TMEM63C: variants seen among roughly 807,000 people sequenced by gnomAD.
The protein encoded by TMEM63C is transmembrane protein 63C, also known as osmosensitive cation channel TMEM63C.
Under a neutral mutation model 99.2 loss-of-function variants are expected in TMEM63C, and 32 were observed. The ratio of observed to expected loss-of-function variants is 0.32; its 90% CI spans 0.24 to 0.43. The LOEUF is 0.43. Ranked by LOEUF, TMEM63C falls within the 20% of genes least tolerant of loss-of-function variation. The probability of loss-of-function intolerance (pLI) is 1.00; values close to 1 mark genes in which losing one functional copy is unlikely to be tolerated. For synonymous variants in TMEM63C, 376 were observed against 397.9 expected (o/e 0.94, Z 0.66); for missense variants, 826 against 1,053.0 (o/e 0.78, Z 2.98).
intron 2 of TMEM63C, among the ~76,000 whole-genome samples, chr14:77,215,422 G>T (rs551353770): frequency 1.4e-4 from 21 of 151,914 alleles, no homozygotes; most frequent in South Asian, 2.1e-4. Flanking sequence ...CCAACATGGT[G>T]AAACCCCATT....
intron 3 of TMEM63C, 84 bp from the exon 4 acceptor site, chr14:77,219,414 C>A: frequency 7.1e-7 from 1 of 1,406,780 alleles, no homozygotes; most frequent in Non-Finnish European, 1.0e-6. Flanking sequence ...GGGACAGGGT[C>A]TCCCCCAAGG....
chr14:77,201,655 G>T (rs1477960099), intron 1 of TMEM63C, among the ~76,000 whole-genome samples: 1 of 152,218 alleles, frequency 6.6e-6, no homozygotes, highest in Non-Finnish European at 1.5e-5. Context: ...AGGGCCCAGC[G>T]ATCTGTGATG....
chr14:77,246,774 G>A, intron 18 of TMEM63C, 100 bp downstream of exon 18: 2 of 996,296 alleles, frequency 2.0e-6, no homozygotes, highest in South Asian at 3.1e-5. Flanking sequence ...GCTCACAGAA[G>A]TGTAGACAAA....
At chr14:77,218,206 C>T (rs993775190) in intron 2 of TMEM63C, among the ~76,000 whole-genome samples, 3 of 146,832 alleles carry the variant, frequency 2.0e-5, no homozygotes, top group Non-Finnish European at 4.5e-5. Flanking sequence ...TAAATATATA[C>T]ACCTACTATG....
At position 77,219,500 on chromosome 14, in the gene TMEM63C, C is replaced by A; in HGVS notation, c.153C>A (p.Leu51=). Residue 51 remains leucine (L), a splice_region_variant and synonymous_variant, in exon 4 of 24, where the codon CTC becomes CTA. Coordinates refer to ENST00000298351, the MANE Select transcript of TMEM63C (RefSeq NM_020431.4). The part of the protein sequence containing the change: ...VLCLNIALWV[L]VLVVYSFLRK... Reference sequence around the variant, plus strand: ...ACATTGCTTTTCCTGGCCTGTAGCTCGTCCTTGTGGTTTACTCCTTCCTCC... The same window carrying A: ...ACATTGCTTTTCCTGGCCTGTAGCTAGTCCTTGTGGTTTACTCCTTCCTCC... 1 of 1,613,908 alleles carries A rather than the reference C, an allele frequency of 6.2e-7. No homozygotes were observed.
chr14:77,218,386 C>T (rs945175972), intron 2 of TMEM63C, among the ~76,000 whole-genome samples: 8 of 152,160 alleles, frequency 5.3e-5, no homozygotes, highest in African/African-American at 9.7e-5. Context: ...ATGGGCGTTC[C>T]GTGAACACAG....
In TMEM63C at chr14:77,218,914, C is replaced by A; in HGVS notation, c.101C>A (p.Pro34His). 2 of 1,610,836 alleles carry A rather than the reference C, an allele frequency of 1.2e-6. No homozygotes were observed. Among genetic ancestry groups the A allele is most frequent in the Non-Finnish European group, 1.7e-6 (2 of 1,178,566 alleles). ...CGGAACACCGTCCTCCAGGGGCAGC[C>A]CTTTGGGGGTGTCCCCACCGTGCTG... Reference protein sequence around the residue: ...QSRNTVLQGQPFGGVPTVLCL... With the variant: ...QSRNTVLQGQHFGGVPTVLCL... The change falls in exon 3 of 24, where the codon CCC (proline) becomes CAC (histidine). Residue 34 changes from proline (P) to histidine (H), a missense_variant. Coordinates refer to ENST00000298351, the MANE Select transcript of TMEM63C (RefSeq NM_020431.4).
chr14:77,215,614 A>AAAAAAAAGAAAAGAAAAGAAAAGAAAAG (rs772701077), intron 2 of TMEM63C, among the ~76,000 whole-genome samples: 22 of 76,550 alleles, frequency 2.9e-4, no homozygotes, highest in South Asian at 2.4e-3. Flanking sequence ...AAAAAAAAAA[A>AAAAAAAAGAAAAGAAAAGAAAAGAAAAG]AAAAGAAAAG....
intron 1 of TMEM63C, among the ~76,000 whole-genome samples, chr14:77,189,916 A>ATCC (rs1334568986): frequency 1.3e-5 from 2 of 152,102 alleles, no homozygotes; most frequent in Non-Finnish European, 2.9e-5. Context: ...CTGCCCTCTC[A>ATCC]TCCCCTTCTC....
chr14:77,238,319 T>C (rs379708), intron 9 of TMEM63C, among the ~76,000 whole-genome samples: 59,031 of 152,116 alleles, frequency 0.39, 12,529 homozygotes, highest in East Asian at 0.67. Context: ...GGGGTCGCTC[T>C]GGCAGCTCTT....
Position 77,239,573 on chromosome 14 carries a change from G to C in TMEM63C, c.807-30G>C, listed in dbSNP as rs762718932. On this transcript the variant is annotated intron_variant, in intron 11 of 23. Transcript: ENST00000298351. Reference sequence around the variant, plus strand: ...GGGCTCTGCTGGCCCCTGACCTGCAGGTCCTTCTCCTGTTGCCCACCGCTG... The same window carrying C: ...GGGCTCTGCTGGCCCCTGACCTGCACGTCCTTCTCCTGTTGCCCACCGCTG... 1.9e-6 allele frequency: 3 copies of C among 1,613,006 alleles called. No homozygotes were observed. The South Asian group carries it at 3.3e-5, about 18-fold the overall frequency.
At position 77,246,797 on chromosome 14, in the gene TMEM63C, C is replaced by A. The variant is rs1889276005; in HGVS notation, c.1601+123C>A. On this transcript the variant is annotated intron_variant, in intron 18 of 23. Transcript: ENST00000298351. ...AAGTGTAGACAAATGCTTGTGAACA[C>A]CCTCACTGGGCAGACTTGTTACCTT... 8 of 760,338 alleles carry A rather than the reference C, an allele frequency of 1.1e-5. No homozygotes were observed. In the East Asian group the frequency reaches 1.1e-4, roughly 11 times the overall value. The allele number at this position is 760,338 out of a possible 1,614,324, so 47.1% of individuals were successfully genotyped here. A position where few individuals can be genotyped will look rare whatever the true frequency, so the allele number is the denominator to read the frequency against.
Position 77,236,633 on chromosome 14 carries a change from C to T in TMEM63C, c.552C>T (p.Leu184=). The change falls in exon 9 of 24, where the codon CTC becomes CTT. Residue 184 remains leucine, a synonymous_variant. Coordinates refer to ENST00000298351, the MANE Select transcript of TMEM63C (RefSeq NM_020431.4). ...TIVNVSTESK[L]LWLHSLLSFF... ...GCCTCCCTCCCTGCAGGAGCAAGCT[C>T]CTGTGGCTGCATAGCCTGCTGTCCT... 6.2e-7 allele frequency: 1 copy of T among 1,612,126 alleles called. No individual in the cohort carries two copies. Among genetic ancestry groups the T allele is most frequent in the Non-Finnish European group, 8.5e-7 (1 of 1,178,960 alleles).
At chr14:77,191,019 C>A (rs1175696742) in intron 1 of TMEM63C, among the ~76,000 whole-genome samples, 1 of 152,064 alleles carries the variant, frequency 6.6e-6, no homozygotes, top group Non-Finnish European at 1.5e-5. Flanking sequence ...AAAGAATATA[C>A]CAACATGATT....
chr14:77,186,347 C>T (rs1217568084), intron 1 of TMEM63C, among the ~76,000 whole-genome samples: 1 of 152,096 alleles, frequency 6.6e-6, no homozygotes, highest in African/African-American at 2.4e-5. Flanking sequence ...AAACAATGTT[C>T]AAGAATGGCT....
intron 1 of TMEM63C, among the ~76,000 whole-genome samples, chr14:77,204,447 TCTC>T: frequency 6.6e-6 from 1 of 152,054 alleles, no homozygotes; most frequent in Non-Finnish European, 1.5e-5. Flanking sequence ...ATTTGTAAGA[TCTC>T]CTCCAGCCAA....
intron 1 of TMEM63C, among the ~76,000 whole-genome samples, chr14:77,193,286 C>T (rs1888141604): frequency 6.6e-6 from 1 of 152,200 alleles, no homozygotes. Flanking sequence ...GTTGCTGGGG[C>T]AGAGCAAACT....
intron 6 of TMEM63C, among the ~76,000 whole-genome samples, chr14:77,230,464 T>C (rs762666215): frequency 6.6e-6 from 1 of 152,202 alleles, no homozygotes; most frequent in Non-Finnish European, 1.5e-5. Context: ...CATTCATTTT[T>C]ATTGCTGTGT....
intron 2 of TMEM63C, 73 bp downstream of exon 2, chr14:77,213,581 G>A (rs1594855341): frequency 6.6e-6 from 1 of 152,142 alleles, no homozygotes. Flanking sequence ...CGCTTCCTTC[G>A]CGCGGGCTCC....
Sources: gnomAD v4.1 joint callset for allele counts (sites outside exome capture counted in the v4.1 genomes callset) on GRCh38, gnomAD v4.1.1 for gene constraint, MANE v1.5 for transcripts, NCBI Gene and HGNC (gene_info 2026-07-23, HGNC 2026-07-21) for gene names.